MECOM: variants seen among roughly 807,000 people sequenced by gnomAD.
The protein encoded by MECOM is MDS1 and EVI1 complex locus, also known as histone-lysine N-methyltransferase MECOM.
Under a neutral mutation model 116.3 loss-of-function variants are expected in MECOM, and 13 were observed. The observed-to-expected ratio is 0.11, with a 90% CI of 0.07 to 0.18. The LOEUF is 0.18. MECOM is among the 10% of genes least tolerant of loss of function. The pLI is 1.00. For missense variants in MECOM, 1,299 were observed against 1,509.0 expected (o/e 0.86, Z 2.31); for synonymous variants, 528 against 535.2 (o/e 0.99, Z 0.19).
chr3:169,479,403 G>A (rs1389700811), intron 1 of MECOM, among the ~76,000 whole-genome samples: 1 of 151,872 alleles, frequency 6.6e-6, no homozygotes, highest in Non-Finnish European at 1.5e-5. Flanking sequence ...GGTTGGTGGA[G>A]GAAAGAATGA....
intron 2 of MECOM, among the ~76,000 whole-genome samples, chr3:169,225,888 G>A (rs56874593): frequency 0.33 from 50,355 of 152,118 alleles, 9,268 homozygotes; most frequent in Middle Eastern, 0.54. Flanking sequence ...GATTACAGGC[G>A]TGAGCCACCA....
chr3:169,468,633 T>C (rs1748699872), intron 1 of MECOM, among the ~76,000 whole-genome samples: 2 of 152,218 alleles, frequency 1.3e-5, no homozygotes, highest in South Asian at 4.1e-4. Context: ...TCATTGTTAG[T>C]ATCAAATGAT....
At chr3:169,144,345 T>C (rs1170172703) in intron 2 of MECOM, among the ~76,000 whole-genome samples, 3 of 152,160 alleles carry the variant, frequency 2.0e-5, no homozygotes, top group Admixed American at 6.5e-5. Flanking sequence ...AGATTTGTCT[T>C]ATAGGTGCTT....
chr3:169,576,814 C>G (rs1307958594), intron 1 of MECOM, among the ~76,000 whole-genome samples: 1 of 131,222 alleles, frequency 7.6e-6, no homozygotes, highest in Non-Finnish European at 1.6e-5. Context: ...CACACACACA[C>G]ACACACACAC....
At chr3:169,481,281 T>C (rs1315189181) in intron 1 of MECOM, among the ~76,000 whole-genome samples, 2 of 152,088 alleles carry the variant, frequency 1.3e-5, no homozygotes, top group Admixed American at 6.6e-5. Context: ...AATGTTGGGA[T>C]TGGCAATTTT....
At chr3:169,661,257 G>A (rs1047740076) in intron 1 of MECOM, among the ~76,000 whole-genome samples, 2 of 151,944 alleles carry the variant, frequency 1.3e-5, no homozygotes, top group African/African-American at 4.8e-5. Context: ...ACTTAGGCAT[G>A]GTTGAAAAGG....
At position 169,299,397 on chromosome 3, in the gene MECOM, C is replaced by T. The variant is rs187487785; in HGVS notation, c.375+81790G>A. 5.4e-4 allele frequency among the ~76,000 whole-genome samples: 82 copies of T among 152,252 alleles called. 1 individual carries two copies. The highest frequency in any genetic ancestry group is 4.0e-3 in the Admixed American group (61 of 15,296). On this transcript the variant is annotated intron_variant, in intron 2 of 16. Transcript: ENST00000651503. ...GGCTGTGGTTGCTCTTCCTTCCTCA[C>T]CTGATTCTACCAGGATCAAAATGTT...
chr3:169,530,434 G>C (rs1161199090), intron 1 of MECOM, among the ~76,000 whole-genome samples: 1 of 152,178 alleles, frequency 6.6e-6, no homozygotes, highest in Non-Finnish European at 1.5e-5. Flanking sequence ...GTGGAGCATA[G>C]ATTTGAGGGG....
chr3:169,532,714 A>AT (rs1277227914), intron 1 of MECOM, among the ~76,000 whole-genome samples: 2 of 152,098 alleles, frequency 1.3e-5, no homozygotes, highest in African/African-American at 4.8e-5. Context: ...CCTCAGTGTG[A>AT]TTTTTACATC....
intron 2 of MECOM, among the ~76,000 whole-genome samples, chr3:169,362,332 T>G (rs2149826622): frequency 6.6e-6 from 1 of 152,006 alleles, no homozygotes; most frequent in South Asian, 2.1e-4. Flanking sequence ...CGAAGACTCA[T>G]AGAGTTACAG....
At chr3:169,177,969 T>C (rs548578933) in intron 2 of MECOM, among the ~76,000 whole-genome samples, 1 of 151,904 alleles carries the variant, frequency 6.6e-6, no homozygotes, top group South Asian at 2.1e-4. Flanking sequence ...ATGTGGTAGA[T>C]ATACGCAAGA....
intron 2 of MECOM, among the ~76,000 whole-genome samples, chr3:169,231,280 T>TA (rs1753362558): frequency 1.3e-5 from 2 of 152,112 alleles, no homozygotes; most frequent in African/African-American, 4.8e-5. Flanking sequence ...CATTCACCCA[T>TA]AAAACATTTA....
chr3:169,642,888 T>C (rs989566933), intron 1 of MECOM, among the ~76,000 whole-genome samples: 1 of 151,944 alleles, frequency 6.6e-6, no homozygotes, highest in East Asian at 1.9e-4. Flanking sequence ...GATGTGCTAG[T>C]AAAGCCACCA....
At chr3:169,637,766 C>A (rs1332787918) in intron 1 of MECOM, among the ~76,000 whole-genome samples, 1 of 152,168 alleles carries the variant, frequency 6.6e-6, no homozygotes. Flanking sequence ...ATTGAAAGAG[C>A]TACTCTTCAA....
chr3:169,587,390 G>A (rs1196985237), intron 1 of MECOM, among the ~76,000 whole-genome samples: 2 of 151,216 alleles, frequency 1.3e-5, no homozygotes, highest in African/African-American at 4.9e-5. Flanking sequence ...CTGTCAAAGG[G>A]ACTGTGGCTC....
chr3:169,572,501 A>T (rs1576939841), intron 1 of MECOM, among the ~76,000 whole-genome samples: 1 of 152,200 alleles, frequency 6.6e-6, no homozygotes, highest in East Asian at 1.9e-4. Flanking sequence ...GTATATACCC[A>T]AAGGATTATA....
intron 1 of MECOM, among the ~76,000 whole-genome samples, chr3:169,557,125 C>A (rs1187679918): frequency 6.6e-6 from 1 of 152,124 alleles, no homozygotes; most frequent in African/African-American, 2.4e-5. Flanking sequence ...TGTATTCAAT[C>A]ACTCATAGAG....
At chr3:169,421,734 C>G (rs571515831) in intron 1 of MECOM, among the ~76,000 whole-genome samples, 1 of 151,540 alleles carries the variant, frequency 6.6e-6, no homozygotes, top group Non-Finnish European at 1.5e-5. Flanking sequence ...GTTTACAATT[C>G]TTTTCTGCAT....
intron 1 of MECOM, among the ~76,000 whole-genome samples, chr3:169,601,372 AC>A (rs1369436204): frequency 6.6e-6 from 1 of 152,062 alleles, no homozygotes; most frequent in Non-Finnish European, 1.5e-5. Context: ...CATCTCTAAC[AC>A]CTTTTGGGGT....
Sources: allele counts gnomAD v4.1 joint callset (sites outside exome capture counted in the v4.1 genomes callset), GRCh38; gene constraint gnomAD v4.1.1; transcripts MANE v1.5; gene names NCBI Gene and HGNC (gene_info 2026-07-23, HGNC 2026-07-21).